The following ITPR1 variants were observed in gnomAD, a reference collection of about 807,000 sequenced individuals.
The protein encoded by ITPR1 is inositol 1,4,5-trisphosphate receptor type 1, also known as inositol 1,4,5-trisphosphate-gated calcium channel ITPR1.
Under a neutral mutation model 318.4 loss-of-function variants are expected in ITPR1, and 96 were observed. That is an observed-to-expected ratio of 0.30 (90% confidence interval 0.26 to 0.36). The LOEUF is 0.36. ITPR1 is among the 10% of genes least tolerant of loss of function. The pLI is 1.00. For synonymous variants in ITPR1, 1,312 were observed against 1,289.9 expected (o/e 1.02, Z -0.37); for missense variants, 2,440 against 3,460.2 (o/e 0.71, Z 7.40).
At chr3:4,758,650 G>T (rs771308860) in intron 44 of ITPR1, among the ~76,000 whole-genome samples, 1 of 152,218 alleles carries the variant, frequency 6.6e-6, no homozygotes, top group African/African-American at 2.4e-5. Flanking sequence ...TACACAGTTT[G>T]ATTAGGACTG....
chr3:4,651,214 T>C (rs935746038), intron 10 of ITPR1, among the ~76,000 whole-genome samples: 10 of 152,192 alleles, frequency 6.6e-5, no homozygotes, highest in African/African-American at 9.6e-5. Flanking sequence ...TTTGGCTTCA[T>C]AGGGTCTTGC....
chr3:4,510,511 T>C (rs1478670390), intron 2 of ITPR1, among the ~76,000 whole-genome samples: 4 of 152,148 alleles, frequency 2.6e-5, no homozygotes, highest in Admixed American at 1.3e-4. Flanking sequence ...TCAAGAGATA[T>C]AGTAAAGCTT....
chr3:4,711,974 CTT>C, intron 39 of ITPR1, 106 bp downstream of exon 39: 1 of 525,572 alleles, frequency 1.9e-6, no homozygotes, highest in Non-Finnish European at 3.4e-6. Context: ...GAGGGGCTAG[CTT>C]TTTTTAAAAG....
chr3:4,598,519 G>T (rs1236585120), intron 4 of ITPR1, among the ~76,000 whole-genome samples: 1 of 152,006 alleles, frequency 6.6e-6, no homozygotes, highest in Non-Finnish European at 1.5e-5. Context: ...TACTCGGTGG[G>T]GCCGAGACAG....
intron 44 of ITPR1, chr3:4,751,594 A>G (rs1380824569): frequency 2.6e-5 from 4 of 152,240 alleles, no homozygotes; most frequent in African/African-American, 7.2e-5. Context: ...GAAGTTGTGC[A>G]ATCCTTAATA....
At chr3:4,587,294 G>A (rs1332650682) in intron 4 of ITPR1, among the ~76,000 whole-genome samples, 2 of 119,682 alleles carry the variant, frequency 1.7e-5, no homozygotes, top group African/African-American at 3.5e-5. Context: ...TTTTTTTTGA[G>A]TCAGAATCTT....
At chr3:4,817,655 T>C (rs1184289911) in intron 59 of ITPR1, 1 of 153,500 alleles carries the variant, frequency 6.5e-6, no homozygotes, top group Admixed American at 6.5e-5. Flanking sequence ...TCCTTACTTA[T>C]TCTGTCTCCT....
chr3:4,776,140 G>A (rs889111843), intron 47 of ITPR1, among the ~76,000 whole-genome samples: 4 of 152,180 alleles, frequency 2.6e-5, no homozygotes, highest in African/African-American at 7.2e-5. Flanking sequence ...GTGCAGTGGT[G>A]CAATCTCGGC....
rs879186803 is a variant in ITPR1 at position 4,831,127 on chromosome 3, T to TCACACACACACACACACA, written c.8029-5646_8029-5645insACACACACACACACACAC. 9.9e-3 allele frequency: 3,327 copies of TCACACACACACACACACA among 334,596 alleles called. 33 individuals are homozygous for TCACACACACACACACACA. Among genetic ancestry groups the TCACACACACACACACACA allele is most frequent in the African/African-American group, 0.029 (1,017 of 34,550 alleles). The allele number at this position is 334,596 out of a possible 1,614,324, so 20.7% of individuals were successfully genotyped here. On this transcript the variant is annotated intron_variant, in intron 60 of 61. Coordinates refer to ENST00000649015, the MANE Select transcript of ITPR1 (RefSeq NM_001378452.1). ...CTTTGTCTCTCTCTCTCTCTCTCTC[T>TCACACACACACACACACA]CTCTCACACACACACACACACACAC...
Position 4,768,838 on chromosome 3 carries a change from A to G in ITPR1, c.5979+74A>G, listed in dbSNP as rs541251582. On this transcript the variant is annotated intron_variant, in intron 46 of 61. Coordinates refer to ENST00000649015, the MANE Select transcript of ITPR1 (RefSeq NM_001378452.1). Reference sequence around the variant, plus strand: ...AAGGCCTGCCTTCCTCTGATGGTTCAGCACCTCTCACTTGGGCCAGATTGC... The same window carrying G: ...AAGGCCTGCCTTCCTCTGATGGTTCGGCACCTCTCACTTGGGCCAGATTGC... 1.7e-5 allele frequency: 25 copies of G among 1,430,486 alleles called. No homozygotes were observed. The East Asian group carries it at 5.8e-4, about 33-fold the overall frequency. The allele number at this position is 1,430,486 out of a possible 1,614,324, so 88.6% of individuals were successfully genotyped here.
intron 4 of ITPR1, among the ~76,000 whole-genome samples, chr3:4,578,787 T>G (rs969377433): frequency 1.3e-5 from 2 of 152,148 alleles, no homozygotes; most frequent in Non-Finnish European, 2.9e-5. Flanking sequence ...TTGTTCTTAT[T>G]GTTGATTTTT....
chr3:4,665,550 T>G (rs951092395), intron 17 of ITPR1, among the ~76,000 whole-genome samples: 1 of 152,186 alleles, frequency 6.6e-6, no homozygotes, highest in Non-Finnish European at 1.5e-5. Context: ...GGTTTTACAT[T>G]TATAGAATTT....
At chr3:4,546,844 CTGTGTGAAGAAG>C (rs990954972) in intron 4 of ITPR1, among the ~76,000 whole-genome samples, 13 of 148,914 alleles carry the variant, frequency 8.7e-5, no homozygotes, top group Admixed American at 8.1e-4. Flanking sequence ...GAAGGAAGTG[CTGTGTGAAGAAG>C]TGTGGGCTCA....
intron 4 of ITPR1, among the ~76,000 whole-genome samples, chr3:4,577,343 C>T (rs1448523114): frequency 2.0e-5 from 3 of 152,170 alleles, no homozygotes; most frequent in African/African-American, 7.2e-5. Context: ...ATTTGCAAGG[C>T]CATCACCCAG....
At chr3:4,624,003 T>A (rs1292130779) in intron 4 of ITPR1, among the ~76,000 whole-genome samples, 5 of 152,214 alleles carry the variant, frequency 3.3e-5, no homozygotes, top group Non-Finnish European at 7.3e-5. Context: ...AGTTTTGAGC[T>A]TGTGATGTAG....
chr3:4,687,097 C>T (rs1337271301), intron 30 of ITPR1, among the ~76,000 whole-genome samples: 1 of 152,236 alleles, frequency 6.6e-6, no homozygotes, highest in African/African-American at 2.4e-5. Flanking sequence ...GGTTAGCAAA[C>T]TACAGGCATG....
At chr3:4,687,917 A>T (rs1455036408) in intron 30 of ITPR1, among the ~76,000 whole-genome samples, 1 of 152,130 alleles carries the variant, frequency 6.6e-6, no homozygotes, top group African/African-American at 2.4e-5. Context: ...TTGCCATGGG[A>T]GCTGATGGCA....
chr3:4,594,019 T>C (rs2090599485), intron 4 of ITPR1, among the ~76,000 whole-genome samples: 1 of 152,122 alleles, frequency 6.6e-6, no homozygotes. Context: ...AGATATGATA[T>C]GGGAAATGCG....
Position 4,845,152 on chromosome 3 carries a change from T to C in ITPR1, c.8191-987T>C, listed in dbSNP as rs1004459015. ...CAAAACCATAAGAAACTAGATCTGA[T>C]TCCAAAGCCTTTATTCTTTTTACCC... On this transcript the variant is annotated intron_variant, in intron 61 of 61. Coordinates refer to ENST00000649015, the MANE Select transcript of ITPR1 (RefSeq NM_001378452.1). Among the ~76,000 whole-genome samples, 7 of 152,366 alleles carry C rather than the reference T, an allele frequency of 4.6e-5. 1 individual carries two copies. Among genetic ancestry groups the C allele is most frequent in the Admixed American group, 6.5e-5 (1 of 15,310 alleles).
Sources: allele counts gnomAD v4.1 joint callset (sites outside exome capture counted in the v4.1 genomes callset), GRCh38; gene constraint gnomAD v4.1.1; transcripts MANE v1.5; gene names NCBI Gene and HGNC (gene_info 2026-07-23, HGNC 2026-07-21).